The following PAPPA2 variants were observed in gnomAD, a reference collection of about 807,000 sequenced individuals.
PAPPA2 encodes the protein pappalysin-2.
PAPPA2 carries 86 observed loss-of-function variants against 176.4 expected under a neutral mutation model. The observed-to-expected ratio is 0.49, with a 90% CI of 0.41 to 0.58. The LOEUF (loss-of-function observed/expected upper bound fraction) is 0.58. PAPPA2 is among the 20% of genes least tolerant of loss of function. The pLI is 0.00. For missense variants in PAPPA2, 2,073 were observed against 2,256.9 expected (o/e 0.92, Z 1.65); for synonymous variants, 809 against 852.2 (o/e 0.95, Z 0.88).
At chr1:176,623,523 G>A (rs1008355654) in intron 3 of PAPPA2, among the ~76,000 whole-genome samples, 1 of 151,946 alleles carries the variant, frequency 6.6e-6, no homozygotes, top group Non-Finnish European at 1.5e-5. Context: ...ACTGTCCCTA[G>A]TGAAGACATC....
chr1:176,634,966 AATAGATAGATAGATAGATAG>A (rs3979574), intron 3 of PAPPA2, among the ~76,000 whole-genome samples: 6 of 135,162 alleles, frequency 4.4e-5, no homozygotes, highest in Non-Finnish European at 6.4e-5. Context: ...TAGATAGATA[AATAGATAGATAGATAGATAG>A]ATAGATAGAT....
At chr1:176,801,494 G>C (rs1329007108) in intron 21 of PAPPA2, among the ~76,000 whole-genome samples, 2 of 152,240 alleles carry the variant, frequency 1.3e-5, no homozygotes, top group East Asian at 1.9e-4. Flanking sequence ...CTCTGCGAGC[G>C]CATCAGGAAA....
intron 1 of PAPPA2, among the ~76,000 whole-genome samples, chr1:176,489,589 A>G (rs1652804154): frequency 6.6e-6 from 1 of 152,182 alleles, no homozygotes; most frequent in South Asian, 2.1e-4. Flanking sequence ...ATTTGGGGCA[A>G]GCTTTCTGAC....
chr1:176,486,121 G>A (rs1652634215), intron 1 of PAPPA2, among the ~76,000 whole-genome samples: 1 of 152,192 alleles, frequency 6.6e-6, no homozygotes, highest in Admixed American at 6.5e-5. Context: ...CTTGTACCGT[G>A]AGGTACCCTC....
chr1:176,809,293 G>T (rs1386509832), intron 21 of PAPPA2, among the ~76,000 whole-genome samples: 1 of 152,194 alleles, frequency 6.6e-6, no homozygotes, highest in Non-Finnish European at 1.5e-5. Flanking sequence ...ATGTAGGAAG[G>T]AGTTGGGAGT....
Position 176,482,883 on chromosome 1 carries a change from A to G in PAPPA2, c.-917+19465A>G, listed in dbSNP as rs148113392. 4.6e-3 allele frequency among the ~76,000 whole-genome samples: 705 copies of G among 152,304 alleles called. 6 individuals carry two copies. The highest frequency in any genetic ancestry group is 0.016 in the African/African-American group (662 of 41,566). On this transcript the variant is annotated intron_variant, in intron 1 of 22. Coordinates refer to ENST00000367662, the MANE Select transcript of PAPPA2 (RefSeq NM_020318.3). ...GGCACTCTGACCAGGCTTAGGTCAC[A>G]TGCCCTGCTCTGGGTTCAAACCTAC...
intron 4 of PAPPA2, among the ~76,000 whole-genome samples, chr1:176,689,396 A>G (rs1659995616): frequency 6.6e-6 from 1 of 152,136 alleles, no homozygotes; most frequent in Non-Finnish European, 1.5e-5. Flanking sequence ...ATTTAGGGGC[A>G]GTGAGGGTGG....
rs772618341 is a variant in PAPPA2, at chr1:176,765,662, C to G, written c.4152-4C>G. The G allele has an allele frequency of 1.2e-6, 2 of 1,613,242 alleles. No homozygotes were observed. The highest frequency in any genetic ancestry group is 1.7e-6 in the Non-Finnish European group (2 of 1,179,540). ...CTAAGATGGTTCTATTTCTCTTATC[C>G]CAGCTGTATCCATCGGCCCTGTGGG... On this transcript the variant is annotated splice_polypyrimidine_tract_variant and splice_region_variant and intron_variant, in intron 14 of 22. Transcript: ENST00000367662.
At chr1:176,628,683 T>G (rs1167852671) in intron 3 of PAPPA2, among the ~76,000 whole-genome samples, 1 of 152,198 alleles carries the variant, frequency 6.6e-6, no homozygotes, top group Non-Finnish European at 1.5e-5. Context: ...TAGAGGTAGA[T>G]ATGATGAACT....
chr1:176,563,853 A>G (rs1651805852), intron 2 of PAPPA2, among the ~76,000 whole-genome samples: 1 of 152,178 alleles, frequency 6.6e-6, no homozygotes, highest in Non-Finnish European at 1.5e-5. Context: ...CTGGGGTGGC[A>G]TGGTTAAAGG....
At chr1:176,481,210 C>T (rs1025968478) in intron 1 of PAPPA2, among the ~76,000 whole-genome samples, 2 of 150,032 alleles carry the variant, frequency 1.3e-5, no homozygotes, top group African/African-American at 4.9e-5. Context: ...CTTTAGATTC[C>T]ATGAATATTT....
At chr1:176,786,352 A>C (rs1177718224) in intron 17 of PAPPA2, among the ~76,000 whole-genome samples, 1 of 152,158 alleles carries the variant, frequency 6.6e-6, no homozygotes, top group Non-Finnish European at 1.5e-5. Flanking sequence ...CTGGTGTTGC[A>C]AAGTAGTATG....
intron 21 of PAPPA2, among the ~76,000 whole-genome samples, chr1:176,817,592 T>C (rs944561683): frequency 1.3e-5 from 2 of 152,046 alleles, no homozygotes; most frequent in Non-Finnish European, 2.9e-5. Context: ...ATAGTATAGA[T>C]AGGAAGAAGT....
At chr1:176,654,619 G>A (rs1389971697) in intron 3 of PAPPA2, among the ~76,000 whole-genome samples, 1 of 150,886 alleles carries the variant, frequency 6.6e-6, no homozygotes, top group African/African-American at 2.4e-5. Context: ...TTGAAAAAAT[G>A]TTGCATTTTG....
At chr1:176,661,254 C>G (rs1263612002) in intron 3 of PAPPA2, among the ~76,000 whole-genome samples, 1 of 151,916 alleles carries the variant, frequency 6.6e-6, no homozygotes, top group African/African-American at 2.4e-5. Flanking sequence ...AAAACAGAAA[C>G]CACTGTAGCT....
At chr1:176,790,674 G>A (rs1179036761) in intron 18 of PAPPA2, among the ~76,000 whole-genome samples, 1 of 152,150 alleles carries the variant, frequency 6.6e-6, no homozygotes, top group Non-Finnish European at 1.5e-5. Context: ...GCACTGATGG[G>A]TTAAGGAACC....
intron 1 of PAPPA2, among the ~76,000 whole-genome samples, chr1:176,533,389 C>T (rs1430413189): frequency 6.6e-6 from 1 of 152,226 alleles, no homozygotes; most frequent in Non-Finnish European, 1.5e-5. Flanking sequence ...TCACCATCAC[C>T]ATAAGCCATT....
intron 19 of PAPPA2, among the ~76,000 whole-genome samples, chr1:176,792,206 T>A (rs1388034182): frequency 6.6e-6 from 1 of 152,206 alleles, no homozygotes; most frequent in Non-Finnish European, 1.5e-5. Flanking sequence ...CAATTAAAGG[T>A]CTTCGTGGCC....
At chr1:176,580,994 T>C (rs968931626) in intron 2 of PAPPA2, among the ~76,000 whole-genome samples, 3 of 152,220 alleles carry the variant, frequency 2.0e-5, no homozygotes, top group African/African-American at 7.2e-5. Flanking sequence ...GTTTTTTCAT[T>C]TGTTGCCTGT....
Sources: allele counts gnomAD v4.1 joint callset (sites outside exome capture counted in the v4.1 genomes callset), GRCh38; gene constraint gnomAD v4.1.1; transcripts MANE v1.5; gene names NCBI Gene and HGNC (gene_info 2026-07-23, HGNC 2026-07-21).